The following CSMD1 variants were observed in gnomAD, a reference collection of about 807,000 sequenced individuals.
CSMD1 encodes the protein CUB and Sushi multiple domains 1, also known as CUB and sushi domain-containing protein 1.
CSMD1 carries 213 observed loss-of-function variants against 417.5 expected under a neutral mutation model. The ratio of observed to expected loss-of-function variants is 0.51; its 90% CI spans 0.46 to 0.57. The LOEUF (loss-of-function observed/expected upper bound fraction) is 0.57. Ranked by LOEUF, CSMD1 falls within the 20% of genes least tolerant of loss-of-function variation. CSMD1 has a pLI of 0.00. For missense variants in CSMD1, 6,923 were observed against 4,529.7 expected (o/e 1.53, Z -15.17); for synonymous variants, 2,862 against 1,736.8 (o/e 1.65, Z -16.11).
rs1285678578 is a variant in CSMD1 at position 4,026,000 on chromosome 8, T to A, written c.610+5905A>T. Among the ~76,000 whole-genome samples the A allele has an allele frequency of 2.2e-5, 3 of 135,036 alleles. No individual in the cohort carries two copies. The Admixed American group carries it at 2.3e-4, about 11-fold the overall frequency. 88.6% of individuals were successfully genotyped at this position (135,036 alleles called of 152,430 possible). On this transcript the variant is annotated intron_variant, in intron 4 of 69. Transcript: ENST00000635120. ...TAGAAGGAGACAGTCATGCTACTGT[T>A]AGGAACTCTATAAAAAAAAAAAAAA...
intron 3 of CSMD1, among the ~76,000 whole-genome samples, chr8:4,201,337 G>A (rs538319955): frequency 1.3e-5 from 2 of 151,976 alleles, no homozygotes; most frequent in Non-Finnish European, 2.9e-5. Flanking sequence ...AGGAGATCGA[G>A]ACCATCTTGG....
chr8:4,169,746 C>A (rs1054157979), intron 3 of CSMD1, among the ~76,000 whole-genome samples: 2 of 152,150 alleles, frequency 1.3e-5, no homozygotes, highest in Non-Finnish European at 1.5e-5. Flanking sequence ...GGTTCAAACG[C>A]CCCCTTGAGG....
intron 5 of CSMD1, among the ~76,000 whole-genome samples, chr8:3,784,906 T>C (rs1377350024): frequency 6.6e-6 from 1 of 152,228 alleles, no homozygotes; most frequent in Non-Finnish European, 1.5e-5. Context: ...CAAACATCAT[T>C]TTTGTGGTCA....
At chr8:3,928,409 C>G (rs1809901301) in intron 5 of CSMD1, among the ~76,000 whole-genome samples, 3 of 152,260 alleles carry the variant, frequency 2.0e-5, no homozygotes, top group Middle Eastern at 3.4e-3. Context: ...AATATCAGCA[C>G]AAGCAATGAG....
At chr8:3,160,297 AT>A (rs1366802485) in intron 38 of CSMD1, among the ~76,000 whole-genome samples, 1 of 151,906 alleles carries the variant, frequency 6.6e-6, no homozygotes, top group African/African-American at 2.4e-5. Context: ...TCATTTTTGT[AT>A]TTTTTGTAGA....
At chr8:3,543,012 C>A (rs141169015) in intron 10 of CSMD1, among the ~76,000 whole-genome samples, 8 of 152,280 alleles carry the variant, frequency 5.3e-5, no homozygotes, top group Middle Eastern at 6.8e-3. Flanking sequence ...AATCCCACTT[C>A]ATGGCACCTG....
intron 52 of CSMD1, among the ~76,000 whole-genome samples, chr8:3,013,156 G>A (rs1055743734): frequency 2.6e-5 from 4 of 152,180 alleles, no homozygotes; most frequent in African/African-American, 7.2e-5. Flanking sequence ...AAAATACACT[G>A]CTATTACAAA....
intron 26 of CSMD1, among the ~76,000 whole-genome samples, chr8:3,237,208 C>G (rs1213139285): frequency 4.0e-5 from 6 of 151,544 alleles, no homozygotes; most frequent in Non-Finnish European, 8.8e-5. Flanking sequence ...TAGCTCACAC[C>G]TGCAATCCTA....
chr8:3,363,942 C>A (rs1313543124), intron 20 of CSMD1, among the ~76,000 whole-genome samples: 1 of 152,036 alleles, frequency 6.6e-6, no homozygotes, highest in Non-Finnish European at 1.5e-5. Context: ...TCTTTTTCTA[C>A]AATATTACCG....
chr8:4,502,947 T>A (rs1179147973), intron 2 of CSMD1, among the ~76,000 whole-genome samples: 1 of 152,152 alleles, frequency 6.6e-6, no homozygotes, highest in East Asian at 1.9e-4. Context: ...TCTCTCTGTC[T>A]CTAAATGGTA....
At chr8:3,271,791 T>C (rs1187197671) in intron 26 of CSMD1, among the ~76,000 whole-genome samples, 1 of 152,160 alleles carries the variant, frequency 6.6e-6, no homozygotes, top group Admixed American at 6.5e-5. Flanking sequence ...GTTTTTTTCT[T>C]GTAAATTTGT....
At chr8:4,039,346 C>A (rs1191999888) in intron 3 of CSMD1, among the ~76,000 whole-genome samples, 1 of 152,190 alleles carries the variant, frequency 6.6e-6, no homozygotes, top group Admixed American at 6.5e-5. Flanking sequence ...CTATTTGCTG[C>A]TGAAAGCTCT....
chr8:3,943,590 C>T (rs1811032860), intron 5 of CSMD1, among the ~76,000 whole-genome samples: 2 of 151,970 alleles, frequency 1.3e-5, no homozygotes, highest in Non-Finnish European at 2.9e-5. Context: ...AGTGACTTTT[C>T]ATTTGAAATA....
chr8:4,421,379 C>G (rs1347260635), intron 2 of CSMD1, among the ~76,000 whole-genome samples: 1 of 152,126 alleles, frequency 6.6e-6, no homozygotes, highest in Admixed American at 6.6e-5. Context: ...GAACAGAGTA[C>G]ACATTTCTTT....
At chr8:4,970,974 T>A (rs900741894) in intron 1 of CSMD1, among the ~76,000 whole-genome samples, 2 of 152,160 alleles carry the variant, frequency 1.3e-5, no homozygotes, top group Non-Finnish European at 2.9e-5. Flanking sequence ...TACAGAAGAA[T>A]AATAAGAGTG....
At chr8:4,182,110 A>C (rs1023938460) in intron 3 of CSMD1, among the ~76,000 whole-genome samples, 7 of 152,114 alleles carry the variant, frequency 4.6e-5, no homozygotes, top group Non-Finnish European at 7.4e-5. Context: ...TTCAATGCTA[A>C]AACTTAAACA....
At chr8:4,071,137 A>G (rs1158135476) in intron 3 of CSMD1, among the ~76,000 whole-genome samples, 1 of 151,386 alleles carries the variant, frequency 6.6e-6, no homozygotes, top group Non-Finnish European at 1.5e-5. Flanking sequence ...TTTTTTTCCA[A>G]ATTTGGAGAA....
At chr8:3,323,800 C>A (rs1806311410) in intron 23 of CSMD1, among the ~76,000 whole-genome samples, 1 of 137,814 alleles carries the variant, frequency 7.3e-6, no homozygotes, top group Non-Finnish European at 1.6e-5. Context: ...CCCCAGAGAC[C>A]CAGGAGGGGG....
chr8:4,534,727 T>A (rs1797013390), intron 2 of CSMD1, among the ~76,000 whole-genome samples: 1 of 152,170 alleles, frequency 6.6e-6, no homozygotes, highest in South Asian at 2.1e-4. Context: ...CTTAGGATTA[T>A]GACCTCCAAC....
Sources: allele counts gnomAD v4.1 joint callset (sites outside exome capture counted in the v4.1 genomes callset), GRCh38; gene constraint gnomAD v4.1.1; transcripts MANE v1.5; gene names NCBI Gene and HGNC (gene_info 2026-07-23, HGNC 2026-07-21).